The following KALRN variants were observed in gnomAD, a reference collection of about 807,000 sequenced individuals.
The protein encoded by KALRN is kalirin.
In KALRN, 70 loss-of-function variants were observed where a neutral mutation model predicts 353.7. The observed-to-expected ratio is 0.20, with a 90% CI of 0.16 to 0.24. KALRN has a LOEUF of 0.24. Among genes scored for constraint, KALRN ranks in the 10% least tolerant of loss-of-function variants. KALRN has a pLI of 1.00. For synonymous variants in KALRN, 1,391 were observed against 1,434.8 expected (o/e 0.97, Z 0.69); for missense variants, 2,791 against 3,756.7 (o/e 0.74, Z 6.72).
intron 28 of KALRN, 30 bp downstream of exon 28, chr3:124,482,930 C>T: frequency 7.0e-7 from 1 of 1,433,662 alleles, no homozygotes; most frequent in East Asian, 2.3e-5. Context: ...CATCCCCCTC[C>T]ACTGCCTACT....
intron 1 of KALRN, among the ~76,000 whole-genome samples, chr3:124,079,004 A>C (rs555274739): frequency 6.6e-6 from 1 of 152,332 alleles, no homozygotes; most frequent in African/African-American, 2.4e-5. Context: ...TCATGCTGTC[A>C]GGGTGGGGCC....
chr3:124,116,800 CTG>C (rs2063501455), intron 1 of KALRN, among the ~76,000 whole-genome samples: 1 of 152,184 alleles, frequency 6.6e-6, no homozygotes, highest in African/African-American at 2.4e-5. Context: ...AGTTATGTGA[CTG>C]TGGTATCACT....
chr3:124,552,613 A>C (rs1363638669), intron 33 of KALRN, among the ~76,000 whole-genome samples: 2 of 152,212 alleles, frequency 1.3e-5, no homozygotes, highest in African/African-American at 4.8e-5. Context: ...AGAAAGTCAC[A>C]TCCGTGGCCC....
intron 4 of KALRN, among the ~76,000 whole-genome samples, chr3:124,265,295 A>ATTTTTTTTTTTTT (rs1465968614): frequency 1.6e-5 from 1 of 61,110 alleles, no homozygotes; most frequent in Non-Finnish European, 3.5e-5. Flanking sequence ...TTAAGAAAAT[A>ATTTTTTTTTTTTT]TTCTTTTTTT....
At chr3:124,185,289 T>C (rs2074082602) in intron 1 of KALRN, among the ~76,000 whole-genome samples, 1 of 152,236 alleles carries the variant, frequency 6.6e-6, no homozygotes, top group South Asian at 2.1e-4. Flanking sequence ...TTGCTGGGAT[T>C]ACAGGCGTGA....
chr3:124,636,001 A>G (rs2081312773), intron 36 of KALRN, among the ~76,000 whole-genome samples: 1 of 152,168 alleles, frequency 6.6e-6, no homozygotes, highest in South Asian at 2.1e-4. Flanking sequence ...AATTCCCAGG[A>G]GTAGGATTAC....
chr3:124,663,136 G>A (rs967935172), intron 45 of KALRN, among the ~76,000 whole-genome samples: 5 of 152,206 alleles, frequency 3.3e-5, no homozygotes, highest in African/African-American at 7.2e-5. Flanking sequence ...TAGTAGAGAC[G>A]GGGTTTCTCC....
At chr3:124,207,390 A>G (rs553207281) in intron 1 of KALRN, among the ~76,000 whole-genome samples, 1 of 152,016 alleles carries the variant, frequency 6.6e-6, no homozygotes, top group South Asian at 2.1e-4. Context: ...TGAGGTAGAA[A>G]CCTCTGTCCT....
intron 3 of KALRN, among the ~76,000 whole-genome samples, chr3:124,236,180 G>GA (rs1345617762): frequency 2.6e-5 from 4 of 151,812 alleles, no homozygotes; most frequent in East Asian, 1.9e-4. Flanking sequence ...ACTGGGAACA[G>GA]AAAAAACATA....
chr3:124,689,080 T>C (rs887298664), intron 51 of KALRN, among the ~76,000 whole-genome samples: 1 of 152,248 alleles, frequency 6.6e-6, no homozygotes, highest in South Asian at 2.1e-4. Flanking sequence ...TCCCACGGTG[T>C]CTACACCAGC....
At chr3:124,105,937 A>G (rs1190222091) in intron 1 of KALRN, among the ~76,000 whole-genome samples, 2 of 152,230 alleles carry the variant, frequency 1.3e-5, no homozygotes, top group Non-Finnish European at 2.9e-5. Context: ...TCCATTCAAT[A>G]AATATTCATT....
rs2079843386 is a variant in KALRN at position 124,325,824 on chromosome 3, C to T, written c.1093-156C>T. Among the ~76,000 whole-genome samples, 3 of 152,170 alleles carry T rather than the reference C, an allele frequency of 2.0e-5. No individual in the cohort carries two copies. In the South Asian group the frequency reaches 6.2e-4, roughly 32 times the overall value. On this transcript the variant is annotated intron_variant, in intron 6 of 59. Transcript: ENST00000682506. ...GAAATTGAATTGTAGAAAAAGATTTCCCTTGGGCCAAAAACAAATACACTA... is the reference window on the plus strand; with the variant it reads ...GAAATTGAATTGTAGAAAAAGATTTTCCTTGGGCCAAAAACAAATACACTA...
intron 3 of KALRN, among the ~76,000 whole-genome samples, chr3:124,240,295 C>T (rs913010771): frequency 2.6e-5 from 4 of 152,298 alleles, no homozygotes; most frequent in Middle Eastern, 3.4e-3. Flanking sequence ...TGCTGAGCTT[C>T]GGATCCCAGC....
In KALRN at chr3:124,700,162, A is replaced by G. The variant is rs2062251927; in HGVS notation, c.7996+129A>G. 5 of 859,470 alleles carry G rather than the reference A, an allele frequency of 5.8e-6. No homozygotes were observed. In the Admixed American group the frequency reaches 1.2e-4, roughly 20 times the overall value. The allele number at this position is 859,470 out of a possible 1,614,324, so 53.2% of individuals were successfully genotyped here. A position where few individuals can be genotyped will look rare whatever the true frequency, so the allele number is the denominator to read the frequency against. On this transcript the variant is annotated intron_variant, in intron 56 of 59. Transcript: ENST00000682506. ...AGGCACCTTTTAGAGGACTAAGAAGAATGTTTCTGTAAAGTATAGCTCCAA... is the reference window on the plus strand; with the variant it reads ...AGGCACCTTTTAGAGGACTAAGAAGGATGTTTCTGTAAAGTATAGCTCCAA...
intron 1 of KALRN, among the ~76,000 whole-genome samples, chr3:124,108,798 T>C (rs2062564255): frequency 6.6e-6 from 1 of 152,188 alleles, no homozygotes; most frequent in African/African-American, 2.4e-5. Context: ...TTTGTATCTG[T>C]AGCTTACCTA....
At chr3:124,541,369 G>T (rs1398328448) in intron 33 of KALRN, among the ~76,000 whole-genome samples, 4 of 151,966 alleles carry the variant, frequency 2.6e-5, no homozygotes, top group Non-Finnish European at 5.9e-5. Flanking sequence ...AGGATTGCTT[G>T]AACCCAGGAG....
intron 51 of KALRN, among the ~76,000 whole-genome samples, chr3:124,679,950 G>C (rs537369181): frequency 6.6e-6 from 1 of 152,132 alleles, no homozygotes; most frequent in South Asian, 2.1e-4. Flanking sequence ...TTTTTCTTTA[G>C]CCCTTTATCC....
chr3:124,049,055 A>G (rs1012560880), intron 1 of KALRN, among the ~76,000 whole-genome samples: 4 of 152,332 alleles, frequency 2.6e-5, no homozygotes, highest in Non-Finnish European at 2.9e-5. Flanking sequence ...TCTCTGAAGG[A>G]TAACTTTTTG....
chr3:124,148,006 T>A (rs1226102786), intron 1 of KALRN, among the ~76,000 whole-genome samples: 1 of 152,174 alleles, frequency 6.6e-6, no homozygotes, highest in Non-Finnish European at 1.5e-5. Context: ...GGGTGAGATT[T>A]GTCTGTCCCC....
Sources: gnomAD v4.1 joint callset for allele counts (sites outside exome capture counted in the v4.1 genomes callset) on GRCh38, gnomAD v4.1.1 for gene constraint, MANE v1.5 for transcripts, NCBI Gene and HGNC (gene_info 2026-07-23, HGNC 2026-07-21) for gene names.